Variants in RAB28 observed in about 807,000 individuals in gnomAD.
RAB28 encodes the protein ras-related protein Rab-28.
Under a neutral mutation model 31.7 loss-of-function variants are expected in RAB28, and 24 were observed. The ratio of observed to expected loss-of-function variants is 0.76; its 90% confidence interval spans 0.55 to 1.06. The LOEUF (loss-of-function observed/expected upper bound fraction) is 1.06. Ranked by LOEUF, RAB28 falls within the 50% of genes least tolerant of loss-of-function variation. The probability of loss-of-function intolerance (pLI) is 0.00; values close to 1 mark genes in which losing one functional copy is unlikely to be tolerated. For synonymous variants in RAB28, 100 were observed against 90.4 expected, an observed-to-expected ratio of 1.11 and a Z score of -0.60; for missense variants, 254 against 258.5, an observed-to-expected ratio of 0.98 and a Z score of 0.12.
chr4:13,407,019 A>C (rs1444770423), intron 4 of RAB28, among the ~76,000 whole-genome samples: 1 of 152,122 alleles, frequency 6.6e-6, no homozygotes, highest in Non-Finnish European at 1.5e-5. Flanking sequence ...CACATTTGTC[A>C]ATTTTGGCTT....
rs186397752 is a variant in RAB28 at position 13,435,757 on chromosome 4, G to A, written c.391+24942C>T. Among the ~76,000 whole-genome samples the A allele has an allele frequency of 4.3e-4, 65 of 152,118 alleles. 1 individual carries two copies. Among genetic ancestry groups the A allele is most frequent in the Non-Finnish European group, 7.1e-4 (48 of 67,988 alleles). Reference sequence around the variant, plus strand: ...AAATATATTAAACAAATACTGCCGCGGACCAGATGCATTTCACAGCCAAAA... The same window carrying A: ...AAATATATTAAACAAATACTGCCGCAGACCAGATGCATTTCACAGCCAAAA... On this transcript the variant is annotated intron_variant, in intron 4 of 6. Transcript: ENST00000330852.
chr4:13,426,866 T>C (rs562696456), intron 4 of RAB28, among the ~76,000 whole-genome samples: 99 of 152,304 alleles, frequency 6.5e-4, no homozygotes, highest in African/African-American at 2.3e-3. Flanking sequence ...TGAGAATATT[T>C]TCACCCATAC....
At position 13,484,030 on chromosome 4, in the gene RAB28, C is replaced by T. The variant is rs764239346; in HGVS notation, c.75+46G>A. 1.0e-5 allele frequency: 16 copies of T among 1,536,618 alleles called. No homozygotes were observed. The South Asian group carries it at 1.7e-4, about 16-fold the overall frequency. ...CGGCGGGGAGGAGGCCGGGGACCGCCGGGGTTCCTGCAGGCCTGGGACGGC... is the reference window on the plus strand; with the variant it reads ...CGGCGGGGAGGAGGCCGGGGACCGCTGGGGTTCCTGCAGGCCTGGGACGGC... On this transcript the variant is annotated intron_variant, in intron 1 of 6. Transcript: ENST00000330852.
rs545647492 is a variant in RAB28 at position 13,368,449 on chromosome 4, G to C, written c.*109C>G. 9 of 1,358,190 alleles carry C rather than the reference G, an allele frequency of 6.6e-6. No individual in the cohort carries two copies. The highest frequency in any genetic ancestry group is 8.6e-6 in the Non-Finnish European group (9 of 1,052,614). The allele number at this position is 1,358,190 out of a possible 1,614,324, so 84.1% of individuals were successfully genotyped here. On this transcript the variant is annotated 3_prime_UTR_variant, in exon 7 of 7. Coordinates refer to ENST00000330852, the MANE Select transcript of RAB28 (RefSeq NM_001017979.3). ...TGATGAAGCAAGTTGGGAGTAAAGT[G>C]TTAACTGAACTACAGAGATGGTCAC...
At chr4:13,454,607 G>T (rs1179867888) in intron 4 of RAB28, among the ~76,000 whole-genome samples, 1 of 152,192 alleles carries the variant, frequency 6.6e-6, no homozygotes, top group Non-Finnish European at 1.5e-5. Context: ...CCACATTCAT[G>T]ACATTTATGA....
At position 13,484,263 on chromosome 4, in the gene RAB28, G is replaced by T. The variant is rs952800118; in HGVS notation, c.-113C>A. ...GTAGTTGCGGCAGGACCCCCGCCCC[G>T]GTGTCTCCGCGCCGGCAGGAGGTAT... On this transcript the variant is annotated 5_prime_UTR_variant, in exon 1 of 7. Transcript: ENST00000330852. 1 of 782,448 alleles carries T rather than the reference G, an allele frequency of 1.3e-6. No homozygotes were observed. The highest frequency in any genetic ancestry group is 2.2e-6 in the Non-Finnish European group (1 of 457,130). The allele number at this position is 782,448 out of a possible 1,614,324, so 48.5% of individuals were successfully genotyped here.
chr4:13,455,940 T>C (rs1715277656), intron 4 of RAB28, among the ~76,000 whole-genome samples: 1 of 152,362 alleles, frequency 6.6e-6, no homozygotes, highest in East Asian at 1.9e-4. Flanking sequence ...TATTCACTCA[T>C]CTTGCTAAAG....
At chr4:13,478,866 A>G (rs1288468214) in intron 2 of RAB28, among the ~76,000 whole-genome samples, 1 of 151,606 alleles carries the variant, frequency 6.6e-6, no homozygotes, top group East Asian at 1.9e-4. Flanking sequence ...GGTGAAGTGA[A>G]ACATCTTGAA....
intron 3 of RAB28, among the ~76,000 whole-genome samples, chr4:13,466,016 C>A (rs573077222): frequency 2.0e-5 from 3 of 151,980 alleles, no homozygotes; most frequent in Non-Finnish European, 4.4e-5. Context: ...AACTAGATAT[C>A]CACATGCAGA....
At chr4:13,426,819 T>C (rs1713523179) in intron 4 of RAB28, among the ~76,000 whole-genome samples, 1 of 152,234 alleles carries the variant, frequency 6.6e-6, no homozygotes, top group Non-Finnish European at 1.5e-5. Context: ...CTATTAGTTT[T>C]AGTGTTGGTA....
intron 4 of RAB28, among the ~76,000 whole-genome samples, chr4:13,458,252 G>C (rs879379226): frequency 1.7e-4 from 26 of 151,850 alleles, no homozygotes; most frequent in Admixed American, 1.4e-3. Context: ...GACAATGCCT[G>C]TATTTTTAAC....
intron 4 of RAB28, among the ~76,000 whole-genome samples, chr4:13,411,494 ATC>A (rs1712438702): frequency 6.6e-6 from 1 of 152,202 alleles, no homozygotes; most frequent in Non-Finnish European, 1.5e-5. Context: ...ATTAACAAAA[ATC>A]TAAATATGAA....
intron 3 of RAB28, among the ~76,000 whole-genome samples, chr4:13,472,195 T>C (rs915352921): frequency 2.6e-5 from 4 of 151,926 alleles, no homozygotes; most frequent in Non-Finnish European, 5.9e-5. Flanking sequence ...CCATCTGGAC[T>C]GAAGTGCAGT....
chr4:13,437,333 G>C (rs1404142318), intron 4 of RAB28, among the ~76,000 whole-genome samples: 10 of 152,002 alleles, frequency 6.6e-5, no homozygotes, highest in African/African-American at 2.4e-4. Flanking sequence ...ACCTCAAAAA[G>C]CAAGTGCAAC....
intron 4 of RAB28, among the ~76,000 whole-genome samples, chr4:13,435,052 A>G (rs549873793): frequency 1.3e-5 from 2 of 151,524 alleles, no homozygotes; most frequent in Non-Finnish European, 2.9e-5. Flanking sequence ...AAAAAGAAAA[A>G]AGAAAACAAT....
intron 4 of RAB28, among the ~76,000 whole-genome samples, chr4:13,401,476 G>A (rs1478854202): frequency 7.9e-5 from 12 of 152,020 alleles, no homozygotes; most frequent in Admixed American, 2.6e-4. Context: ...GTAAAACTAC[G>A]TAACAAAACT....
intron 4 of RAB28, among the ~76,000 whole-genome samples, chr4:13,440,262 T>C (rs1343008873): frequency 2.6e-5 from 4 of 152,134 alleles, no homozygotes; most frequent in African/African-American, 9.7e-5. Flanking sequence ...AAAGTAATAG[T>C]TCAAAAAGAA....
At position 13,460,746 on chromosome 4, in the gene RAB28, C is replaced by T. The variant is rs1281911398; in HGVS notation, c.344G>A (p.Ser115Asn). ...EDWYTVVKKV[S>N]EESETQPLVA... Reference sequence around the variant, plus strand: ...CAGTGGCTGAGTTTCTGACTCCTCGCTCACTTTCTTCACCACAGTATACCA... The same window carrying T: ...CAGTGGCTGAGTTTCTGACTCCTCGTTCACTTTCTTCACCACAGTATACCA... Residue 115 changes from serine to asparagine, a missense_variant, in exon 4 of 7, where the codon AGC (serine) becomes AAC (asparagine). By Grantham distance (46) the Ser-to-Asn change is conservative. Transcript: ENST00000330852. 1 of 1,614,080 alleles carries T rather than the reference C, an allele frequency of 6.2e-7. No individual in the cohort carries two copies.
intron 6 of RAB28, 71 bp from the exon 7 acceptor site, chr4:13,368,721 T>C: frequency 7.3e-7 from 1 of 1,363,824 alleles, no homozygotes; most frequent in Non-Finnish European, 1.0e-6. Context: ...AAAGTATATT[T>C]TTATTTTCTG....
Sources: gnomAD v4.1 joint callset for allele counts (sites outside exome capture counted in the v4.1 genomes callset) on GRCh38, gnomAD v4.1.1 for gene constraint, MANE v1.5 for transcripts, NCBI Gene and HGNC (gene_info 2026-07-23, HGNC 2026-07-21) for gene names.